AQR: variants seen among roughly 807,000 people sequenced by gnomAD.
AQR encodes the protein RNA helicase aquarius.
In AQR, 61 loss-of-function variants were observed where a neutral mutation model predicts 180.5. That is an observed-to-expected ratio of 0.34 (90% CI 0.28 to 0.42). AQR has a LOEUF of 0.42. Among genes scored for constraint, AQR ranks in the 10% least tolerant of loss-of-function variants. The pLI is 1.00. For missense variants in AQR, 1,281 were observed against 1,798.3 expected (o/e 0.71, Z 5.20); for synonymous variants, 551 against 588.8 (o/e 0.94, Z 0.93).
chr15:34,958,027 T>C (rs1450887577), intron 3 of AQR, among the ~76,000 whole-genome samples: 2 of 150,486 alleles, frequency 1.3e-5, no homozygotes, highest in Non-Finnish European at 3.0e-5. Flanking sequence ...GCTAACATGG[T>C]GAAACCCTGT....
Position 34,944,326 on chromosome 15 carries a change from C to G in AQR, c.433G>C (p.Val145Leu). The change falls in exon 6 of 35, where the codon GTC (valine) becomes CTC (leucine). Residue 145 changes from valine to leucine, a missense_variant. Val to Leu is a conservative substitution (Grantham distance 32). Around this residue, in one of 9 missense-constraint regions of AQR, gnomAD observed 404 missense variants for 490.9 expected, o/e 0.82. Transcript: ENST00000156471. ...CAATGATCAAGAAAAAGTAGTAAGA[C>G]TGTCTGTTCATGAAGTGAAAATTCA... ...DGEFSLHEQT[V>L]LLLFLDHCFN... is the part of the protein sequence containing the mutation. 3 of 1,608,198 alleles carry G rather than the reference C, an allele frequency of 1.9e-6. No individual in the cohort carries two copies. The highest frequency in any genetic ancestry group is 2.5e-6 in the Non-Finnish European group (3 of 1,177,828).
intron 30 of AQR, 77 bp from the exon 31 acceptor site, chr15:34,870,999 TA>T: frequency 6.9e-7 from 1 of 1,439,218 alleles, no homozygotes; most frequent in Non-Finnish European, 9.5e-7. Flanking sequence ...CTCATCTAGA[TA>T]AGCAAAACTT....
chr15:34,904,966 T>C (rs1477462520), intron 18 of AQR, among the ~76,000 whole-genome samples: 2 of 151,936 alleles, frequency 1.3e-5, no homozygotes, highest in East Asian at 1.9e-4. Flanking sequence ...TCATCACTTT[T>C]CTCATCCTTC....
intron 23 of AQR, 54 bp downstream of exon 23, chr15:34,893,609 A>ACGCG (rs773330522): frequency 0.012 from 4,937 of 402,004 alleles, 26 homozygotes; most frequent in African/African-American, 0.089. Flanking sequence ...GCATGCGTGC[A>ACGCG]CACACACACA....
chr15:34,915,718 G>A (rs939029253), intron 15 of AQR, among the ~76,000 whole-genome samples: 4 of 151,834 alleles, frequency 2.6e-5, no homozygotes, highest in Admixed American at 6.6e-5. Context: ...AGCCGAGGCC[G>A]GTGGATCACC....
At chr15:34,938,463 G>A (rs59300844) in intron 9 of AQR, among the ~76,000 whole-genome samples, 6,284 of 152,080 alleles carry the variant, frequency 0.041, 461 homozygotes, top group African/African-American at 0.14. Context: ...AACCCTGCTG[G>A]GGGAGGTTGC....
intron 8 of AQR, among the ~76,000 whole-genome samples, chr15:34,939,672 A>T (rs1893995299): frequency 6.6e-6 from 1 of 152,234 alleles, no homozygotes; most frequent in South Asian, 2.1e-4. Context: ...CTGGAAATAC[A>T]AAGAAGGGGA....
chr15:34,935,157 C>T (rs1893927748), intron 9 of AQR, among the ~76,000 whole-genome samples: 1 of 152,078 alleles, frequency 6.6e-6, no homozygotes, highest in Non-Finnish European at 1.5e-5. Context: ...ATTACTTTAA[C>T]ATTAGAATGC....
In AQR at chr15:34,941,101, T is replaced by C. The variant is rs1038689900; in HGVS notation, c.541-102A>G. On this transcript the variant is annotated intron_variant, in intron 7 of 34. Coordinates refer to ENST00000156471, the MANE Select transcript of AQR (RefSeq NM_014691.3). Reference sequence around the variant, plus strand: ...AGTTTTCTAATATATGAGTACAAAATAGAGCAATCTGATAAAACCTGAAAA... The same window carrying C: ...AGTTTTCTAATATATGAGTACAAAACAGAGCAATCTGATAAAACCTGAAAA... 8.9e-6 allele frequency: 6 copies of C among 677,268 alleles called. No homozygotes were observed. The Admixed American group carries it at 2.1e-4, about 24-fold the overall frequency. The allele number at this position is 677,268 out of a possible 1,614,324, so 42.0% of individuals were successfully genotyped here. A position where few individuals can be genotyped will look rare whatever the true frequency, so the allele number is the denominator to read the frequency against.
intron 18 of AQR, among the ~76,000 whole-genome samples, chr15:34,906,071 A>G (rs1893410900): frequency 6.6e-6 from 1 of 151,892 alleles, no homozygotes; most frequent in Non-Finnish European, 1.5e-5. Context: ...CCTTTCCAAT[A>G]TCTAACATAG....
rs201826543 is a variant in AQR at position 34,916,898 on chromosome 15, A to G, written c.1342+1360T>C. The stretch of plus-strand genomic sequence containing the variant: ...TCAGCAGAACAAAAAAAAAAAAAAA[A>G]AAAGAAAGAAAGAAAAAAAGGGATG... On this transcript the variant is annotated intron_variant, in intron 15 of 34. Coordinates refer to ENST00000156471, the MANE Select transcript of AQR (RefSeq NM_014691.3). 8.9e-3 allele frequency among the ~76,000 whole-genome samples: 1,083 copies of G among 121,308 alleles called. 10 individuals carry two copies. Among genetic ancestry groups the G allele is most frequent in the African/African-American group, 0.03 (898 of 29,952 alleles). 79.6% of individuals were successfully genotyped at this position (121,308 alleles called of 152,430 possible). A position where few individuals can be genotyped will look rare whatever the true frequency, so the allele number is the denominator to read the frequency against.
intron 22 of AQR, among the ~76,000 whole-genome samples, chr15:34,895,189 T>TATAA (rs1893222464): frequency 1.6e-4 from 2 of 12,850 alleles, no homozygotes; most frequent in Non-Finnish European, 3.4e-4. Flanking sequence ...AAAAAAAAAA[T>TATAA]ATATATATAT....
chr15:34,906,537 C>G lies in AQR; in HGVS notation c.1831+8G>C. 6.2e-7 allele frequency: 1 copy of G among 1,613,376 alleles called. No homozygotes were observed. The highest frequency in any genetic ancestry group is 8.5e-7 in the Non-Finnish European group (1 of 1,179,652). On this transcript the variant is annotated splice_region_variant and intron_variant, in intron 18 of 34. Transcript: ENST00000156471. ...CACATACTCTTTCAAAAATATAGGTCACCATACCATCTTCAATGACACGTC... is the reference window on the plus strand; with the variant it reads ...CACATACTCTTTCAAAAATATAGGTGACCATACCATCTTCAATGACACGTC...
In AQR at chr15:34,854,171, A is replaced by AG. The variant is rs1323113661; in HGVS notation, c.*2620_*2621insC. ...CAGAATTTTGAAAAAAAAAAAAAAA[A>AG]AAGAAGAAGAAATTCTAAATACTTG... On this transcript the variant is annotated 3_prime_UTR_variant, in exon 35 of 35. Transcript: ENST00000156471. 1 of 151,112 alleles carries AG rather than the reference A, an allele frequency of 6.6e-6. No individual in the cohort carries two copies. Among genetic ancestry groups the AG allele is most frequent in the African/African-American group, 2.4e-5 (1 of 41,242 alleles). The allele number at this position is 151,112 out of a possible 1,614,324, so 9.4% of individuals were successfully genotyped here.
At position 34,946,430 on chromosome 15, in the gene AQR, T is replaced by TGGGG. The variant is rs375288148; in HGVS notation, c.330+1830_330+1833dup. Among the ~76,000 whole-genome samples, 69 of 98,260 alleles carry TGGGG rather than the reference T, an allele frequency of 7.0e-4. 4 individuals are homozygous for TGGGG. The highest frequency in any genetic ancestry group is 1.7e-3 in the East Asian group (5 of 2,966). 64.5% of individuals were successfully genotyped at this position (98,260 alleles called of 152,430 possible). ...CCAGCCGCCCCGTCCGGGAGGGAGG[T>TGGGG]GGGGGGGGTCAGCCCCCCGCCCGGC... On this transcript the variant is annotated intron_variant, in intron 5 of 34. Transcript: ENST00000156471.
At chr15:34,911,403 C>T (rs1893496189) in intron 16 of AQR, among the ~76,000 whole-genome samples, 1 of 152,140 alleles carries the variant, frequency 6.6e-6, no homozygotes, top group African/African-American at 2.4e-5. Flanking sequence ...ATTGACATTC[C>T]CACCAATAGT....
At chr15:34,954,354 A>C (rs1894277179) in intron 3 of AQR, among the ~76,000 whole-genome samples, 1 of 152,092 alleles carries the variant, frequency 6.6e-6, no homozygotes, top group Non-Finnish European at 1.5e-5. Context: ...TGCCCAGGCT[A>C]GAGTACAGTG....
At chr15:34,939,115 CTGGAG>C (rs1378410584) in intron 8 of AQR, among the ~76,000 whole-genome samples, 1 of 152,198 alleles carries the variant, frequency 6.6e-6, no homozygotes, top group African/African-American at 2.4e-5. Flanking sequence ...GTTGCCCAGG[CTGGAG>C]TGCAGTGGCG....
intron 3 of AQR, among the ~76,000 whole-genome samples, chr15:34,960,562 A>G (rs2140508160): frequency 6.6e-6 from 1 of 152,322 alleles, no homozygotes. Flanking sequence ...AATAAACCCT[A>G]TGGGATTTGA....
Sources: gnomAD v4.1 joint callset for allele counts (sites outside exome capture counted in the v4.1 genomes callset) on GRCh38, gnomAD v4.1.1 for gene constraint, gnomAD v4.1.1 regional missense constraint, MANE v1.5 for transcripts, NCBI Gene and HGNC (gene_info 2026-07-23, HGNC 2026-07-21) for gene names.